HPGDS: variants seen among roughly 807,000 people sequenced by gnomAD.
HPGDS encodes the protein hematopoietic prostaglandin D synthase.
A neutral mutation model predicts 23.1 loss-of-function variants in HPGDS; 26 were observed. The ratio of observed to expected loss-of-function variants is 1.13; its 90% CI spans 0.83 to 1.56. The LOEUF is 1.56. Ranked by LOEUF, HPGDS falls within the 40% of genes most tolerant of loss-of-function variation. HPGDS has a pLI of 0.00. For missense variants in HPGDS, 268 were observed against 236.4 expected (o/e 1.13, Z -0.88); for synonymous variants, 95 against 77.9 (o/e 1.22, Z -1.16).
chr4:94,340,786 G>A (rs2126048018), intron 1 of HPGDS, among the ~76,000 whole-genome samples: 1 of 141,658 alleles, frequency 7.1e-6, no homozygotes, highest in East Asian at 2.2e-4. Context: ...AGCCACCAGA[G>A]TAGCTGGGAT....
intron 4 of HPGDS, among the ~76,000 whole-genome samples, chr4:94,306,692 A>T (rs1436114557): frequency 6.6e-6 from 1 of 152,114 alleles, no homozygotes; most frequent in Non-Finnish European, 1.5e-5. Context: ...AAACAGCCTA[A>T]GAATTTTTAT....
Position 94,302,731 on chromosome 4 carries a change from T to C in HPGDS, c.337-487A>G, listed in dbSNP as rs181340539. On this transcript the variant is annotated intron_variant, in intron 4 of 5. Coordinates refer to ENST00000295256, the MANE Select transcript of HPGDS (RefSeq NM_014485.3). ...ATAATGAATCATGATCTTGGGCCTT[T>C]ATGTATTTTCTCATTGGACTACCAT... is the stretch of plus-strand genomic sequence containing the variant. Among the ~76,000 whole-genome samples, 84 of 152,256 alleles carry C rather than the reference T, an allele frequency of 5.5e-4. 1 individual carries two copies. The highest frequency in any genetic ancestry group is 1.9e-3 in the African/African-American group (80 of 41,562).
At chr4:94,340,401 T>C (rs1469583746) in intron 1 of HPGDS, among the ~76,000 whole-genome samples, 7 of 129,310 alleles carry the variant, frequency 5.4e-5, no homozygotes, top group Admixed American at 1.7e-4. Context: ...TGCAGTGGCG[T>C]GATCTCCACT....
At chr4:94,310,545 G>A (rs1579430567) in intron 3 of HPGDS, among the ~76,000 whole-genome samples, 1 of 152,170 alleles carries the variant, frequency 6.6e-6, no homozygotes, top group Non-Finnish European at 1.5e-5. Flanking sequence ...TAGCCTTGTA[G>A]TATAGTTTGA....
intron 1 of HPGDS, among the ~76,000 whole-genome samples, chr4:94,339,552 C>T (rs1038866523): frequency 1.3e-5 from 2 of 152,156 alleles, no homozygotes; most frequent in African/African-American, 2.4e-5. Flanking sequence ...GACATATAAA[C>T]TCATATGAAC....
rs1290828315 is a variant in HPGDS, at chr4:94,299,311, GA to G, written c.*168del. 2.5e-4 allele frequency: 146 copies of G among 576,144 alleles called. No homozygotes were observed. The South Asian group carries it at 3.5e-3, about 14-fold the overall frequency. 35.7% of individuals were successfully genotyped at this position (576,144 alleles called of 1,614,324 possible). A position where few individuals can be genotyped will look rare whatever the true frequency, so the allele number is the denominator to read the frequency against. ...TATTCTGAAAGAAAAAGATACTGAA[GA>G]AAGATTTGTTTTTATTTTCCTTTTT... On this transcript the variant is annotated 3_prime_UTR_variant, in exon 6 of 6. Transcript: ENST00000295256.
chr4:94,327,792 C>A (rs1256468975), intron 2 of HPGDS, among the ~76,000 whole-genome samples: 1 of 152,202 alleles, frequency 6.6e-6, no homozygotes, highest in African/African-American at 2.4e-5. Context: ...AGCCACAACA[C>A]TTAAGTGAAG....
intron 4 of HPGDS, among the ~76,000 whole-genome samples, chr4:94,305,890 A>G (rs1756129887): frequency 6.6e-6 from 1 of 152,110 alleles, no homozygotes; most frequent in Non-Finnish European, 1.5e-5. Flanking sequence ...GTCTGGGCTC[A>G]GTTCACAGTT....
At chr4:94,323,829 T>C (rs770948305) in intron 2 of HPGDS, among the ~76,000 whole-genome samples, 3 of 152,194 alleles carry the variant, frequency 2.0e-5, no homozygotes, top group Non-Finnish European at 4.4e-5. Context: ...ATTTTGCCCA[T>C]TAGTTGATGC....
At chr4:94,313,150 A>G (rs1756315586) in intron 3 of HPGDS, among the ~76,000 whole-genome samples, 1 of 152,058 alleles carries the variant, frequency 6.6e-6, no homozygotes, top group Non-Finnish European at 1.5e-5. Context: ...TAAGGTTAAT[A>G]TTGTTATGTG....
intron 4 of HPGDS, among the ~76,000 whole-genome samples, chr4:94,306,760 C>T (rs1756146122): frequency 6.6e-6 from 1 of 151,854 alleles, no homozygotes; most frequent in African/African-American, 2.4e-5. Flanking sequence ...GAAATGCTTT[C>T]TAAAAGTAAT....
intron 2 of HPGDS, among the ~76,000 whole-genome samples, chr4:94,318,368 C>A: frequency 6.6e-6 from 1 of 152,098 alleles, no homozygotes; most frequent in East Asian, 1.9e-4. Flanking sequence ...AAGAACTTAG[C>A]CATAGCCTTT....
chr4:94,316,610 CCTT>C (rs1367198225), intron 3 of HPGDS, among the ~76,000 whole-genome samples: 1 of 152,226 alleles, frequency 6.6e-6, no homozygotes. Context: ...TCCAATCTAT[CCTT>C]CTAAGCATTT....
chr4:94,327,706 A>G (rs948519106), intron 2 of HPGDS, among the ~76,000 whole-genome samples: 1 of 152,172 alleles, frequency 6.6e-6, no homozygotes, highest in Non-Finnish European at 1.5e-5. Context: ...GTGTTACAGC[A>G]GCAGCCTGTC....
chr4:94,325,386 A>G (rs1330987327), intron 2 of HPGDS, among the ~76,000 whole-genome samples: 1 of 152,190 alleles, frequency 6.6e-6, no homozygotes, highest in East Asian at 1.9e-4. Flanking sequence ...CTGCCCCCAG[A>G]GGTGGAGTCT....
At chr4:94,304,665 T>G (rs1479566827) in intron 4 of HPGDS, among the ~76,000 whole-genome samples, 2 of 152,112 alleles carry the variant, frequency 1.3e-5, no homozygotes, top group Non-Finnish European at 2.9e-5. Context: ...GTTAATTAGA[T>G]AGTCTATAGC....
At chr4:94,305,048 G>A (rs918354459) in intron 4 of HPGDS, among the ~76,000 whole-genome samples, 1 of 151,978 alleles carries the variant, frequency 6.6e-6, no homozygotes, top group African/African-American at 2.4e-5. Context: ...TGCCATGTCT[G>A]ACAAATAGTA....
intron 2 of HPGDS, among the ~76,000 whole-genome samples, chr4:94,322,845 T>C (rs1194994069): frequency 1.3e-5 from 2 of 152,204 alleles, no homozygotes; most frequent in Admixed American, 6.5e-5. Flanking sequence ...GTTCTCTTAA[T>C]TGGGATGTTA....
At chr4:94,318,662 A>G (rs567542169) in intron 2 of HPGDS, among the ~76,000 whole-genome samples, 152 of 152,168 alleles carry the variant, frequency 1.0e-3, no homozygotes, top group Admixed American at 2.4e-3. Context: ...GGCTTAACAT[A>G]TGGCCCATCC....
Sources: gnomAD v4.1 joint callset for allele counts (sites outside exome capture counted in the v4.1 genomes callset) on GRCh38, gnomAD v4.1.1 for gene constraint, MANE v1.5 for transcripts, NCBI Gene and HGNC (gene_info 2026-07-23, HGNC 2026-07-21) for gene names.